Variants in ITPR2 observed in about 807,000 individuals in gnomAD.
ITPR2 encodes the protein inositol 1,4,5-trisphosphate-gated calcium channel ITPR2.
A neutral mutation model predicts 317.1 loss-of-function variants in ITPR2; 207 were observed. That is an observed-to-expected ratio of 0.65 (90% CI 0.58 to 0.73). The LOEUF (loss-of-function observed/expected upper bound fraction) is 0.73, where lower values mean the gene tolerates loss of function less well. Ranked by LOEUF, ITPR2 falls within the 30% of genes least tolerant of loss-of-function variation. ITPR2 has a pLI of 0.00. For synonymous variants in ITPR2, 1,156 were observed against 1,149.1 expected, an observed-to-expected ratio of 1.01 and a Z score of -0.12; for missense variants, 2,613 against 3,284.0, an observed-to-expected ratio of 0.80 and a Z score of 4.99.
intron 2 of ITPR2, among the ~76,000 whole-genome samples, chr12:26,740,301 G>C (rs1399484462): frequency 6.6e-6 from 1 of 152,200 alleles, no homozygotes; most frequent in East Asian, 1.9e-4. Flanking sequence ...GCATTGAGAT[G>C]AATGGCCACA....
intron 2 of ITPR2, among the ~76,000 whole-genome samples, chr12:26,770,306 C>T (rs554205107): frequency 1.4e-4 from 21 of 152,168 alleles, no homozygotes; most frequent in Non-Finnish European, 2.8e-4. Flanking sequence ...TCAGTGAAGT[C>T]AAGAGAGTAT....
intron 37 of ITPR2, among the ~76,000 whole-genome samples, chr12:26,501,674 G>A (rs1943076113): frequency 1.3e-5 from 2 of 152,198 alleles, no homozygotes; most frequent in Non-Finnish European, 2.9e-5. Flanking sequence ...AAACAAGACT[G>A]TGGAAAATGT....
At chr12:26,611,372 C>T (rs1292745916) in intron 26 of ITPR2, among the ~76,000 whole-genome samples, 2 of 152,048 alleles carry the variant, frequency 1.3e-5, no homozygotes, top group Non-Finnish European at 2.9e-5. Flanking sequence ...TAAAAACAGG[C>T]AGATATGAAT....
At chr12:26,479,575 A>C (rs1942499820) in intron 43 of ITPR2, among the ~76,000 whole-genome samples, 1 of 152,232 alleles carries the variant, frequency 6.6e-6, no homozygotes, top group African/African-American at 2.4e-5. Context: ...TAAAACAACA[A>C]AAATTTTTCT....
At chr12:26,596,783 T>A in intron 31 of ITPR2, 100 bp downstream of exon 31, 1 of 922,072 alleles carries the variant, frequency 1.1e-6, no homozygotes, top group Admixed American at 2.8e-5. Context: ...AAATATATGA[T>A]CTCATTATAA....
intron 45 of ITPR2, among the ~76,000 whole-genome samples, chr12:26,447,987 T>C (rs1196465073): frequency 7.4e-4 from 81 of 110,126 alleles, no homozygotes; most frequent in Non-Finnish European, 1.3e-3. Flanking sequence ...TGTACCCTTT[T>C]ACATGACTTT....
At chr12:26,695,236 C>T (rs1460574769) in intron 10 of ITPR2, among the ~76,000 whole-genome samples, 2 of 152,142 alleles carry the variant, frequency 1.3e-5, no homozygotes, top group African/African-American at 4.8e-5. Flanking sequence ...TGCATCACAT[C>T]AAATTGTCCT....
chr12:26,440,090 C>T (rs1352311734), intron 46 of ITPR2, among the ~76,000 whole-genome samples: 1 of 152,134 alleles, frequency 6.6e-6, no homozygotes, highest in Non-Finnish European at 1.5e-5. Flanking sequence ...CCCTTTGCCA[C>T]TGACTGGTGT....
intron 34 of ITPR2, among the ~76,000 whole-genome samples, chr12:26,562,964 C>CA (rs367568577): frequency 0.014 from 1,899 of 139,162 alleles, 43 homozygotes; most frequent in African/African-American, 0.047. Context: ...ACTTGTATAG[C>CA]AAAAAAAAAA....
intron 53 of ITPR2, 47 bp downstream of exon 53, chr12:26,400,081 T>TA (rs749012374): frequency 1.4e-4 from 213 of 1,556,556 alleles, no homozygotes; most frequent in South Asian, 3.7e-4. Flanking sequence ...AAGAAAGGTT[T>TA]AAAAAAAAGA....
At chr12:26,815,105 G>A (rs1007478216) in intron 1 of ITPR2, among the ~76,000 whole-genome samples, 1 of 152,182 alleles carries the variant, frequency 6.6e-6, no homozygotes, top group Non-Finnish European at 1.5e-5. Context: ...CTGGGAGGCC[G>A]AGACGGGTGA....
intron 37 of ITPR2, among the ~76,000 whole-genome samples, chr12:26,526,389 G>C (rs537084485): frequency 6.6e-6 from 1 of 152,124 alleles, no homozygotes; most frequent in South Asian, 2.1e-4. Context: ...AATAGCAAAT[G>C]CAAAACCTCT....
intron 9 of ITPR2, among the ~76,000 whole-genome samples, chr12:26,708,776 C>T (rs980611869): frequency 1.3e-5 from 2 of 152,040 alleles, no homozygotes; most frequent in Non-Finnish European, 2.9e-5. Flanking sequence ...GTTCCTAATA[C>T]AAAGAAATGA....
At chr12:26,429,135 T>C (rs527868193) in intron 48 of ITPR2, among the ~76,000 whole-genome samples, 50 of 152,368 alleles carry the variant, frequency 3.3e-4, no homozygotes, top group African/African-American at 1.1e-3. Context: ...ATGAATTCTG[T>C]ATAAACTCTT....
chr12:26,370,320 C>A (rs117334918), intron 55 of ITPR2, among the ~76,000 whole-genome samples: 1 of 151,978 alleles, frequency 6.6e-6, no homozygotes, highest in Non-Finnish European at 1.5e-5. Context: ...GTGGTTAGCC[C>A]GGGAATTATA....
intron 2 of ITPR2, among the ~76,000 whole-genome samples, chr12:26,782,070 A>AGAGAGAGAGAGAGAGAGC (rs1332997577): frequency 8.2e-6 from 1 of 122,612 alleles, no homozygotes; most frequent in Non-Finnish European, 1.7e-5. Flanking sequence ...AGAGAGAGAG[A>AGAGAGAGAGAGAGAGAGC]GAGCGAGAGA....
intron 1 of ITPR2, among the ~76,000 whole-genome samples, chr12:26,806,049 CA>C (rs1462385754): frequency 2.0e-5 from 3 of 152,114 alleles, no homozygotes; most frequent in Non-Finnish European, 4.4e-5. Context: ...ACTAGCACAG[CA>C]ATCCAGGTAA....
At position 26,831,887 on chromosome 12, in the gene ITPR2, C is replaced by T. The variant is rs1951115042; in HGVS notation, c.92+803G>A. Among the ~76,000 whole-genome samples the T allele has an allele frequency of 7.4e-6, 1 of 136,024 alleles. No homozygotes were observed. The highest frequency in any genetic ancestry group is 2.7e-5 in the African/African-American group (1 of 37,372). 89.2% of individuals were successfully genotyped at this position (136,024 alleles called of 152,430 possible). On this transcript the variant is annotated intron_variant, in intron 1 of 56. Transcript: ENST00000381340. The surrounding 1 kb of genome is among the most constrained non-coding windows in gnomAD (Gnocchi z 4.9). ...ATATAAATATATTAATATATATTTCCCTCATTCATAAACATATATACATAT... is the reference window on the plus strand; with the variant it reads ...ATATAAATATATTAATATATATTTCTCTCATTCATAAACATATATACATAT...
intron 53 of ITPR2, among the ~76,000 whole-genome samples, 196 bp from the exon 54 acceptor site, chr12:26,399,237 A>C (rs1398973886): frequency 2.0e-5 from 3 of 152,332 alleles, no homozygotes; most frequent in African/African-American, 7.2e-5. Flanking sequence ...AACCACTTAC[A>C]TTTCTCTAGG....
Sources: allele counts gnomAD v4.1 joint callset (sites outside exome capture counted in the v4.1 genomes callset), GRCh38; gene constraint gnomAD v4.1.1; non-coding constraint Gnocchi (gnomAD v3.1); transcripts MANE v1.5; gene names NCBI Gene and HGNC (gene_info 2026-07-23, HGNC 2026-07-21).